CIITA: variants seen among roughly 807,000 people sequenced by gnomAD.
The protein encoded by CIITA is MHC class II transactivator.
In CIITA, 72 loss-of-function variants were observed where a neutral mutation model predicts 115.1. The ratio of observed to expected loss-of-function variants is 0.63; its 90% CI spans 0.52 to 0.76. The LOEUF (loss-of-function observed/expected upper bound fraction) is 0.76. CIITA is among the 30% of genes least tolerant of loss of function. The pLI is 0.00. For missense variants in CIITA, 1,617 were observed against 1,463.8 expected, an observed-to-expected ratio of 1.10 and a Z score of -1.71; for synonymous variants, 763 against 635.6, an observed-to-expected ratio of 1.20 and a Z score of -3.02.
At chr16:10,939,379 A>G (rs1366233857), downstream of CIITA, 4 of 152,234 alleles carry the variant, frequency 2.6e-5, no homozygotes, top group Non-Finnish European at 4.4e-5. The surrounding 1 kb of genome is among the most constrained non-coding windows in gnomAD (Gnocchi z 4.9). Context: ...TCCTGCCTAG[A>G]ACCTTCCAAT....
chr16:10,923,851 C>G lies in CIITA; in HGVS notation c.*23-27C>G, dbSNP rs2040408850. 1 of 164,032 alleles carries G rather than the reference C, an allele frequency of 6.1e-6. No homozygotes were observed. The highest frequency in any genetic ancestry group is 2.4e-5 in the African/African-American group (1 of 41,736). 10.2% of individuals were successfully genotyped at this position (164,032 alleles called of 1,614,324 possible). On this transcript the variant is annotated intron_variant, in intron 19 of 19. Transcript: ENST00000324288. The surrounding 1 kb of genome is among the most constrained non-coding windows in gnomAD (Gnocchi z 5.2). ...CCCTCCTAGAGTGTCCTGCCTAAAC[C>G]CCCTCTCCTGGCTCCTCCCGCTACA...
At position 10,898,909 on chromosome 16, in the gene CIITA, G is replaced by T; in HGVS notation, c.359-16G>T. On this transcript the variant is annotated splice_polypyrimidine_tract_variant and intron_variant, in intron 4 of 19. Coordinates refer to ENST00000324288, the MANE Select transcript of CIITA (RefSeq NM_000246.4). ...CATTGATTGTGTGAGTTGGTCTCTG[G>T]TTTTTCTCAAAGTAGAGCACATAGG... 6.2e-7 allele frequency: 1 copy of T among 1,613,820 alleles called. No individual in the cohort carries two copies. The highest frequency in any genetic ancestry group is 8.5e-7 in the Non-Finnish European group (1 of 1,179,946).
At chr16:10,885,554 C>T (rs2143831222) in intron 1 of CIITA, among the ~76,000 whole-genome samples, 1 of 151,274 alleles carries the variant, frequency 6.6e-6, no homozygotes, top group East Asian at 1.9e-4. Context: ...TCTCTTAAGT[C>T]CTCTCTCTGT....
intron 17 of CIITA, 30 bp downstream of exon 17, chr16:10,922,280 C>T (rs751633691): frequency 1.1e-5 from 17 of 1,611,114 alleles, no homozygotes; most frequent in Non-Finnish European, 1.4e-5. Context: ...CGGTGGGTGG[C>T]TCAGCCCGGG....
chr16:10,896,461 G>A (rs1005005105), intron 3 of CIITA, among the ~76,000 whole-genome samples: 1 of 152,216 alleles, frequency 6.6e-6, no homozygotes, highest in Non-Finnish European at 1.5e-5. Flanking sequence ...ACAGCTTTCA[G>A]ACAAGGGCAG....
intron 1 of CIITA, chr16:10,866,511 G>A (rs1312618068): frequency 1.8e-6 from 1 of 556,008 alleles, no homozygotes; most frequent in South Asian, 1.4e-5. Context: ...TCCTGGGGTG[G>A]GCCCGGAGTG....
Position 10,906,654 on chromosome 16 carries a change from G to C in CIITA, c.1162G>C (p.Ala388Pro). 6.2e-7 allele frequency: 1 copy of C among 1,613,612 alleles called. No homozygotes were observed. The highest frequency in any genetic ancestry group is 8.5e-7 in the Non-Finnish European group (1 of 1,179,928). Reference sequence around the variant, plus strand: ...GCGGGAACTGGCCACCCCGGACTGGGCAGAACGGCAGCTGGCCCAAGGAGG... The same window carrying C: ...GCGGGAACTGGCCACCCCGGACTGGCCAGAACGGCAGCTGGCCCAAGGAGG... ...LERELATPDW[A>P]ERQLAQGGLA... Residue 388 changes from alanine to proline, a missense_variant, in exon 11 of 20, where the codon GCA (alanine) becomes CCA (proline). Ala to Pro is a conservative substitution (Grantham distance 27). Coordinates refer to ENST00000324288, the MANE Select transcript of CIITA (RefSeq NM_000246.4).
chr16:10,902,557 G>C, intron 7 of CIITA, 101 bp from the exon 8 acceptor site: 6 of 1,446,920 alleles, frequency 4.1e-6, no homozygotes, highest in Non-Finnish European at 5.8e-6. Context: ...AGGGAAATTA[G>C]GGCCCTTTAG....
downstream of CIITA, chr16:10,938,883 T>C (rs1379982962): frequency 6.6e-6 from 1 of 152,250 alleles, no homozygotes; most frequent in Non-Finnish European, 1.5e-5. This position sits in a 1 kb window ranked among gnomAD's most constrained non-coding sequence, Gnocchi z 4.9. Flanking sequence ...ATTCAGTTTT[T>C]AGTTCAGAAT....
In CIITA at chr16:10,924,229, G is replaced by T; in HGVS notation, c.*374G>T. 1 of 152,508 alleles carries T rather than the reference G, an allele frequency of 6.6e-6. No individual in the cohort carries two copies. The allele number at this position is 152,508 out of a possible 1,614,324, so 9.4% of individuals were successfully genotyped here. ...GCCCAGGCCCCTGCCACCCTGGGGAGAAAGTACTTCTTTTTTTTTATTTTT... is the reference window on the plus strand; with the variant it reads ...GCCCAGGCCCCTGCCACCCTGGGGATAAAGTACTTCTTTTTTTTTATTTTT... On this transcript the variant is annotated 3_prime_UTR_variant, in exon 20 of 20. Coordinates refer to ENST00000324288, the MANE Select transcript of CIITA (RefSeq NM_000246.4).
In CIITA at chr16:10,931,583, C is replaced by T. The variant is rs1596646459; in HGVS notation, c.*7728C>T. Reference sequence around the variant, plus strand: ...GTTTTTCTTTTCCAAGTCGCTCACACCTGTAATCCCAACACTTTGGGAGGC... The same window carrying T: ...GTTTTTCTTTTCCAAGTCGCTCACATCTGTAATCCCAACACTTTGGGAGGC... On this transcript the variant is annotated 3_prime_UTR_variant, in exon 20 of 20. Transcript: ENST00000324288. 1.3e-5 allele frequency: 2 copies of T among 152,354 alleles called. No individual in the cohort carries two copies. Among genetic ancestry groups the T allele is most frequent in the South Asian group, 2.1e-4 (1 of 4,824 alleles). The allele number at this position is 152,354 out of a possible 1,614,324, so 9.4% of individuals were successfully genotyped here. A position where few individuals can be genotyped will look rare whatever the true frequency, so the allele number is the denominator to read the frequency against.
At chr16:10,916,560 C>A in intron 15 of CIITA, 101 bp downstream of exon 15, 2 of 976,304 alleles carry the variant, frequency 2.0e-6, no homozygotes, top group Non-Finnish European at 3.2e-6. Flanking sequence ...CAAGGGCTCG[C>A]TGTGTCACCC....
In CIITA at chr16:10,903,888, C is replaced by T. The variant is rs764377235; in HGVS notation, c.930C>T (p.Asn310=). 2 of 1,614,226 alleles carry T rather than the reference C, an allele frequency of 1.2e-6. No homozygotes were observed. Among genetic ancestry groups the T allele is most frequent in the South Asian group, 2.2e-5 (2 of 91,086 alleles). ...MPEPALTSRA[N]MTEHKTSPTQ... ...AACCTGCCCTGACCTCCCGAGCAAA[C>T]ATGACAGGTAAGGACCCTTAGGGCC... is the stretch of plus-strand genomic sequence containing the variant. Residue 310 remains asparagine (N), a synonymous_variant, in exon 9 of 20, where the codon AAC becomes AAT. Coordinates refer to ENST00000324288, the MANE Select transcript of CIITA (RefSeq NM_000246.4).
downstream of CIITA, chr16:10,940,067 C>G (rs2041080799): frequency 6.6e-6 from 1 of 152,264 alleles, no homozygotes; most frequent in Non-Finnish European, 1.5e-5. The surrounding 1 kb of genome is among the most constrained non-coding windows in gnomAD (Gnocchi z 4.2). Flanking sequence ...TCAACTGAAG[C>G]TTTTTCTTCA....
At chr16:10,874,531 C>T (rs2035698671), upstream of CIITA, among the ~76,000 whole-genome samples, 1 of 152,240 alleles carries the variant, frequency 6.6e-6, no homozygotes. Context: ...ACTCTCTACC[C>T]TGGTGCCTTC....
At chr16:10,875,470 A>C (rs2035766436), upstream of CIITA, among the ~76,000 whole-genome samples, 2 of 152,002 alleles carry the variant, frequency 1.3e-5, no homozygotes, top group Admixed American at 1.3e-4. Context: ...CACAGAGAGG[A>C]AGTAAAGAGG....
Position 10,906,805 on chromosome 16 carries a change from C to A in CIITA, c.1313C>A (p.Ala438Asp). The A allele has an allele frequency of 6.2e-7, 1 of 1,612,458 alleles. No individual in the cohort carries two copies. Among genetic ancestry groups the A allele is most frequent in the Non-Finnish European group, 8.5e-7 (1 of 1,180,028 alleles). The change falls in exon 11 of 20, where the codon GCT becomes GAT. Residue 438 changes from alanine to aspartate, a missense_variant. Physicochemically the swap from Ala to Asp is moderately radical, Grantham distance 126. Transcript: ENST00000324288. Reference sequence around the variant, plus strand: ...GCTGGGGCAGTGAGCCGGGCCTGGGCTTGTGGCCGGCTTCCCCAGTACGAC... The same window carrying A: ...GCTGGGGCAGTGAGCCGGGCCTGGGATTGTGGCCGGCTTCCCCAGTACGAC... ...YWAGAVSRAW[A>D]CGRLPQYDFV...
rs1596535046 is a variant in CIITA, at chr16:10,902,758, C to T, written c.729C>T (p.Ile243=). Residue 243 remains isoleucine, a synonymous_variant, in exon 8 of 20, where the codon ATC becomes ATT. Coordinates refer to ENST00000324288, the MANE Select transcript of CIITA (RefSeq NM_000246.4). ...CTCTGCCCCATGGGCTCTGGCAAAT[C>T]TCTGAGGCTGGAACAGGGGTCTCCA... ...ISTLPHGLWQ[I]SEAGTGVSSI... 6.2e-7 allele frequency: 1 copy of T among 1,614,222 alleles called. No homozygotes were observed. The highest frequency in any genetic ancestry group is 8.5e-7 in the Non-Finnish European group (1 of 1,180,036).
intron 1 of CIITA, among the ~76,000 whole-genome samples, chr16:10,893,352 C>T (rs1222370803): frequency 6.6e-6 from 1 of 152,148 alleles, no homozygotes; most frequent in Non-Finnish European, 1.5e-5. Flanking sequence ...AGCCTTAGAG[C>T]CACACAGATG....
Sources: gnomAD v4.1 joint callset for allele counts (sites outside exome capture counted in the v4.1 genomes callset) on GRCh38, gnomAD v4.1.1 for gene constraint, Gnocchi (gnomAD v3.1) non-coding constraint, MANE v1.5 for transcripts, NCBI Gene and HGNC (gene_info 2026-07-23, HGNC 2026-07-21) for gene names.